AMTN: variants seen among roughly 807,000 people sequenced by gnomAD.
AMTN encodes RSTI689.
Under a neutral mutation model 27.4 loss-of-function variants are expected in AMTN, and 29 were observed. The observed-to-expected ratio is 1.06, with a 90% CI of 0.79 to 1.44. The LOEUF (loss-of-function observed/expected upper bound fraction) is 1.44. Ranked by LOEUF, AMTN falls within the 40% of genes most tolerant of loss-of-function variation. The pLI, the probability that AMTN is intolerant of heterozygous loss-of-function variation, is 0.00. For synonymous variants in AMTN, 86 were observed against 95.7 expected (o/e 0.90, Z 0.59); for missense variants, 247 against 248.8 (o/e 0.99, Z 0.05).
At position 70,518,739 on chromosome 4, in the gene AMTN, A is replaced by AGTAACACTTTTTT. The variant is rs141626827; in HGVS notation, c.-15-21_-15-9dup. On this transcript the variant is annotated intron_variant, in intron 1 of 8. Coordinates refer to ENST00000339336, the MANE Select transcript of AMTN (RefSeq NM_212557.4). ...TAAAAGGAAAAAAAATACATGGAAG[A>AGTAACACTTTTTT]GTAACACTTTTTTGTTGTTGTAGGT... 9,425 of 1,445,212 alleles carry AGTAACACTTTTTT rather than the reference A, an allele frequency of 6.5e-3. 288 individuals carry two copies. The African/African-American group carries it at 0.082, about 13-fold the overall frequency. The allele number at this position is 1,445,212 out of a possible 1,614,324, so 89.5% of individuals were successfully genotyped here.
chr4:70,530,727 A>T (rs889973132), intron 7 of AMTN, among the ~76,000 whole-genome samples: 1 of 152,234 alleles, frequency 6.6e-6, no homozygotes, highest in Non-Finnish European at 1.5e-5. Flanking sequence ...AATCTACTTG[A>T]ATCAATTTTT....
intron 7 of AMTN, 83 bp from the exon 8 acceptor site, chr4:70,530,956 C>T (rs1736205911): frequency 1.3e-6 from 2 of 1,526,752 alleles, no homozygotes; most frequent in African/African-American, 1.4e-5. Context: ...TCTTTCCATT[C>T]CTACCCAAAC....
chr4:70,518,679 A>T, intron 1 of AMTN, 25 bp downstream of exon 1: 1 of 955,908 alleles, frequency 1.0e-6, no homozygotes, highest in South Asian at 1.3e-5. Flanking sequence ...CCATGTTTCA[A>T]GTAGAACTTT....
At chr4:70,526,379 T>C (rs1269309879) in intron 5 of AMTN, among the ~76,000 whole-genome samples, 1 of 152,198 alleles carries the variant, frequency 6.6e-6, no homozygotes, top group African/African-American at 2.4e-5. Flanking sequence ...AAATTACTTA[T>C]TATGAAAATT....
intron 2 of AMTN, among the ~76,000 whole-genome samples, chr4:70,521,750 G>T (rs895232439): frequency 2.1e-5 from 3 of 141,802 alleles, no homozygotes; most frequent in Non-Finnish European, 4.5e-5. Flanking sequence ...CTCCCGAGTA[G>T]CTGGGACTAT....
intron 2 of AMTN, 92 bp from the exon 3 acceptor site, chr4:70,522,663 C>A: frequency 1.7e-6 from 2 of 1,148,806 alleles, no homozygotes; most frequent in Non-Finnish European, 1.3e-6. Context: ...AAAAGATAGA[C>A]ATGTTTGCAT....
intron 5 of AMTN, among the ~76,000 whole-genome samples, chr4:70,525,524 T>G (rs1323822639): frequency 6.6e-6 from 1 of 152,228 alleles, no homozygotes; most frequent in Non-Finnish European, 1.5e-5. Flanking sequence ...AGGCATCACC[T>G]GTTTTTGAAG....
chr4:70,522,842 A>C lies in AMTN; in HGVS notation c.138+4A>C, dbSNP rs1489041491. 1 of 1,613,668 alleles carries C rather than the reference A, an allele frequency of 6.2e-7. No individual in the cohort carries two copies. Among genetic ancestry groups the C allele is most frequent in the East Asian group, 2.2e-5 (1 of 44,870 alleles). On this transcript the variant is annotated splice_donor_region_variant and intron_variant, in intron 3 of 8. Transcript: ENST00000339336. Reference sequence around the variant, plus strand: ...AAACCAACAGCAGTCAAATCAGGTAAGAGTCCTACAATATGGAACATGTAC... The same window carrying C: ...AAACCAACAGCAGTCAAATCAGGTACGAGTCCTACAATATGGAACATGTAC...
In AMTN at chr4:70,518,785, G is replaced by A; in HGVS notation, c.8G>A (p.Ser3Asn). 6.2e-7 allele frequency: 1 copy of A among 1,606,408 alleles called. No homozygotes were observed. Among genetic ancestry groups the A allele is most frequent in the South Asian group, 1.1e-5 (1 of 90,920 alleles). The change falls in exon 2 of 9, where the codon AGT (serine) becomes AAT (asparagine). Residue 3 changes from serine to asparagine, a missense_variant. Transcript: ENST00000339336. The part of the protein sequence containing the change: MR[S>N]TILLFCLLGS... ...TAGGTAGCAATCTGAAACATGAGGA[G>A]TACGATTCTACTGTTTTGTCTTCTA...
chr4:70,523,621 A>G (rs1736026697), intron 3 of AMTN, among the ~76,000 whole-genome samples: 1 of 152,214 alleles, frequency 6.6e-6, no homozygotes, highest in African/African-American at 2.4e-5. Flanking sequence ...TAATGTGATA[A>G]GAAATAACAG....
intron 5 of AMTN, among the ~76,000 whole-genome samples, chr4:70,526,835 G>C (rs958321986): frequency 6.6e-6 from 1 of 152,128 alleles, no homozygotes; most frequent in African/African-American, 2.4e-5. Flanking sequence ...CCCATTTGCT[G>C]TGGGAATTCT....
At chr4:70,530,946 T>A (rs926422359) in intron 7 of AMTN, 93 bp from the exon 8 acceptor site, 37 of 1,498,342 alleles carry the variant, frequency 2.5e-5, no homozygotes, top group Non-Finnish European at 3.1e-5. Context: ...ACTCTCTCCA[T>A]CTTTCCATTC....
intron 8 of AMTN, among the ~76,000 whole-genome samples, chr4:70,531,722 G>A (rs888689867): frequency 5.3e-5 from 8 of 152,194 alleles, no homozygotes; most frequent in Non-Finnish European, 7.3e-5. Flanking sequence ...ATGTTGACCA[G>A]GCTGGTCTGA....
chr4:70,523,827 G>A, intron 3 of AMTN, 41 bp from the exon 4 acceptor site: 2 of 1,563,488 alleles, frequency 1.3e-6, no homozygotes, highest in Non-Finnish European at 1.8e-6. Context: ...AAGGGAAGCA[G>A]ACAACCTCTT....
At chr4:70,532,350 A>G in intron 8 of AMTN, 105 bp from the exon 9 acceptor site, 1 of 841,320 alleles carries the variant, frequency 1.2e-6, no homozygotes. Flanking sequence ...AAAGAATGAT[A>G]TGGATGCTCC....
At chr4:70,527,634 G>C (rs1187213953) in intron 5 of AMTN, among the ~76,000 whole-genome samples, 1 of 152,172 alleles carries the variant, frequency 6.6e-6, no homozygotes, top group Non-Finnish European at 1.5e-5. Flanking sequence ...ATAGTTAACA[G>C]TCTATTTCAT....
At chr4:70,523,736 C>T in intron 3 of AMTN, 132 bp from the exon 4 acceptor site, 1 of 746,670 alleles carries the variant, frequency 1.3e-6, no homozygotes, top group Non-Finnish European at 2.3e-6. Flanking sequence ...GGCCCCGAGG[C>T]TTCATCTTTA....
chr4:70,521,949 G>A (rs907006384), intron 2 of AMTN, among the ~76,000 whole-genome samples: 34 of 152,038 alleles, frequency 2.2e-4, no homozygotes, highest in African/African-American at 7.2e-4. Context: ...AACTAAGGGG[G>A]AAATTCCAGC....
intron 5 of AMTN, 125 bp downstream of exon 5, chr4:70,525,086 C>T (rs1297284174): frequency 3.9e-6 from 3 of 765,836 alleles, no homozygotes; most frequent in Admixed American, 5.2e-5. Flanking sequence ...GACGAATGTT[C>T]TGCTGAACAT....
Sources: allele counts gnomAD v4.1 joint callset (sites outside exome capture counted in the v4.1 genomes callset), GRCh38; gene constraint gnomAD v4.1.1; transcripts MANE v1.5; gene names NCBI Gene and HGNC (gene_info 2026-07-23, HGNC 2026-07-21).